Variants in GMDS observed in about 807,000 individuals in gnomAD.
GMDS encodes GDP-mannose 4,6 dehydratase.
GMDS carries 20 observed loss-of-function variants against 49.9 expected under a neutral mutation model. The ratio of observed to expected loss-of-function variants is 0.40; its 90% CI spans 0.28 to 0.58. The LOEUF (loss-of-function observed/expected upper bound fraction) is 0.58. Among genes scored for constraint, GMDS ranks in the 20% least tolerant of loss-of-function variants. The pLI, the probability that GMDS is intolerant of heterozygous loss-of-function variation, is 0.42. For synonymous variants in GMDS, 177 were observed against 178.6 expected, an observed-to-expected ratio of 0.99 and a Z score of 0.07; for missense variants, 362 against 481.4, an observed-to-expected ratio of 0.75 and a Z score of 2.32.
At chr6:1,892,215 C>A (rs1341775557) in intron 7 of GMDS, among the ~76,000 whole-genome samples, 1 of 151,848 alleles carries the variant, frequency 6.6e-6, no homozygotes, top group Non-Finnish European at 1.5e-5. Flanking sequence ...AAGAGAAAGC[C>A]ACAATACACA....
intron 1 of GMDS, among the ~76,000 whole-genome samples, chr6:2,203,682 T>C (rs994907798): frequency 6.6e-6 from 1 of 152,186 alleles, no homozygotes; most frequent in African/African-American, 2.4e-5. Flanking sequence ...GTTTTTAAAA[T>C]AGAATCTAAC....
intron 7 of GMDS, among the ~76,000 whole-genome samples, chr6:1,856,172 G>A (rs1757929933): frequency 6.6e-6 from 1 of 152,216 alleles, no homozygotes; most frequent in African/African-American, 2.4e-5. Flanking sequence ...AAACTTGTCG[G>A]TAGTGATGGT....
At chr6:1,903,423 A>G (rs537261073) in intron 7 of GMDS, among the ~76,000 whole-genome samples, 1 of 152,368 alleles carries the variant, frequency 6.6e-6, no homozygotes, top group African/African-American at 2.4e-5. Context: ...GTGGAACTAA[A>G]GGAAGACCTG....
intron 6 of GMDS, among the ~76,000 whole-genome samples, chr6:1,944,366 G>A (rs764172231): frequency 2.0e-5 from 3 of 152,076 alleles, no homozygotes; most frequent in Non-Finnish European, 4.4e-5. Flanking sequence ...TTAGACAGGC[G>A]TGGTGGCGGG....
At chr6:1,891,235 T>G (rs1411078402) in intron 7 of GMDS, among the ~76,000 whole-genome samples, 1 of 152,196 alleles carries the variant, frequency 6.6e-6, no homozygotes, top group Non-Finnish European at 1.5e-5. Flanking sequence ...TCAGTGTCAT[T>G]ATATCAAATC....
At chr6:2,170,912 A>G (rs1167442193) in intron 1 of GMDS, among the ~76,000 whole-genome samples, 1 of 151,610 alleles carries the variant, frequency 6.6e-6, no homozygotes, top group Non-Finnish European at 1.5e-5. Context: ...GGAGAATGGC[A>G]TGAACCCAGG....
intron 7 of GMDS, among the ~76,000 whole-genome samples, chr6:1,779,956 G>A (rs1195290133): frequency 6.6e-6 from 1 of 152,202 alleles, no homozygotes; most frequent in Non-Finnish European, 1.5e-5. Flanking sequence ...TCGGTTGGCT[G>A]AAGGCCACCA....
chr6:2,065,284 A>G (rs1771494629), intron 4 of GMDS, among the ~76,000 whole-genome samples: 1 of 152,220 alleles, frequency 6.6e-6, no homozygotes, highest in Non-Finnish European at 1.5e-5. Flanking sequence ...CATCACCATC[A>G]TCAAAGACCA....
At chr6:1,741,325 C>T (rs928797945) in intron 8 of GMDS, among the ~76,000 whole-genome samples, 1 of 152,152 alleles carries the variant, frequency 6.6e-6, no homozygotes, top group African/African-American at 2.4e-5. Context: ...ACCATTCTCT[C>T]CCCAGCCTCT....
intron 4 of GMDS, among the ~76,000 whole-genome samples, chr6:2,083,607 C>T (rs781574957): frequency 5.3e-5 from 8 of 152,044 alleles, no homozygotes; most frequent in Non-Finnish European, 1.2e-4. Flanking sequence ...AAAGATTGAC[C>T]CAAACATCTT....
intron 7 of GMDS, among the ~76,000 whole-genome samples, chr6:1,762,453 C>T (rs76175053): frequency 0.028 from 4,309 of 152,314 alleles, 194 homozygotes; most frequent in Admixed American, 0.086. Context: ...CATGCTCGCA[C>T]GGCGAGCAAC....
chr6:2,142,205 T>G (rs1776333462), intron 1 of GMDS, among the ~76,000 whole-genome samples: 2 of 152,300 alleles, frequency 1.3e-5, no homozygotes, highest in South Asian at 2.1e-4. Context: ...TCGAAGGAGC[T>G]GTTTAAATAA....
chr6:2,111,244 C>T (rs916394850), intron 4 of GMDS, among the ~76,000 whole-genome samples: 9 of 152,186 alleles, frequency 5.9e-5, no homozygotes, highest in African/African-American at 2.2e-4. Flanking sequence ...TTTCCTAAAA[C>T]ATTTTCTCCA....
chr6:1,700,700 T>C (rs1287296955), intron 9 of GMDS, among the ~76,000 whole-genome samples: 1 of 152,100 alleles, frequency 6.6e-6, no homozygotes, highest in African/African-American at 2.4e-5. Flanking sequence ...TTTTGTCTAG[T>C]GATGTCCTAT....
intron 4 of GMDS, among the ~76,000 whole-genome samples, chr6:2,104,835 T>G (rs1774129443): frequency 6.6e-6 from 1 of 152,174 alleles, no homozygotes; most frequent in South Asian, 2.1e-4. Flanking sequence ...ATAAGATAAA[T>G]TAATTTTTGC....
At chr6:1,743,282 G>C (rs759998564) in intron 7 of GMDS, among the ~76,000 whole-genome samples, 6 of 152,182 alleles carry the variant, frequency 3.9e-5, no homozygotes, top group Non-Finnish European at 7.3e-5. Context: ...AGCAGGGCGC[G>C]GTGGCTCACG....
chr6:1,784,198 T>A (rs1219420524), intron 7 of GMDS, among the ~76,000 whole-genome samples: 1 of 151,912 alleles, frequency 6.6e-6, no homozygotes, highest in African/African-American at 2.4e-5. Context: ...TCTTGACCAA[T>A]CTGACCAACA....
At chr6:1,661,227 C>T (rs1764062043) in intron 9 of GMDS, among the ~76,000 whole-genome samples, 2 of 152,142 alleles carry the variant, frequency 1.3e-5, no homozygotes, top group African/African-American at 4.8e-5. Context: ...GGGTTAAATC[C>T]TCATGGGTCG....
At chr6:2,204,095 T>C (rs1471142113) in intron 1 of GMDS, among the ~76,000 whole-genome samples, 1 of 152,186 alleles carries the variant, frequency 6.6e-6, no homozygotes, top group African/African-American at 2.4e-5. Context: ...TTTATTTTGA[T>C]AGGGTTAGGG....
Sources: allele counts gnomAD v4.1 joint callset (sites outside exome capture counted in the v4.1 genomes callset), GRCh38; gene constraint gnomAD v4.1.1; transcripts MANE v1.5; gene names NCBI Gene and HGNC (gene_info 2026-07-23, HGNC 2026-07-21).